Variants in CACNA2D2 observed in about 807,000 individuals in gnomAD.
The protein encoded by CACNA2D2 is calcium voltage-gated channel auxiliary subunit alpha2delta 2.
In CACNA2D2, 48 loss-of-function variants were observed where a neutral mutation model predicts 166.4. That is an observed-to-expected ratio of 0.29 (90% CI 0.23 to 0.37). The LOEUF is 0.37. Ranked by LOEUF, CACNA2D2 falls within the 10% of genes least tolerant of loss-of-function variation. CACNA2D2 has a pLI of 1.00. For missense variants in CACNA2D2, 1,122 were observed against 1,433.0 expected (o/e 0.78, Z 3.50); for synonymous variants, 561 against 573.7 (o/e 0.98, Z 0.32).
At chr3:50,423,768 A>C (rs1042789595) in intron 3 of CACNA2D2, among the ~76,000 whole-genome samples, 1 of 152,226 alleles carries the variant, frequency 6.6e-6, no homozygotes, top group African/African-American at 2.4e-5. Context: ...CAGCCTCTCA[A>C]ACAAGGGCCC....
intron 2 of CACNA2D2, among the ~76,000 whole-genome samples, chr3:50,449,032 T>C (rs923269105): frequency 6.6e-6 from 1 of 152,216 alleles, no homozygotes; most frequent in Non-Finnish European, 1.5e-5. Flanking sequence ...CTGATCTTCC[T>C]GCTGATGGTG....
At chr3:50,417,430 C>A (rs188107027) in intron 3 of CACNA2D2, among the ~76,000 whole-genome samples, 1 of 152,342 alleles carries the variant, frequency 6.6e-6, no homozygotes, top group East Asian at 1.9e-4. Flanking sequence ...CTTGGGGGGT[C>A]TCTTTTGCTG....
chr3:50,434,222 T>TG (rs1708203326), intron 3 of CACNA2D2, 91 bp downstream of exon 3: 1 of 870,662 alleles, frequency 1.1e-6, no homozygotes, highest in Admixed American at 2.0e-5. Flanking sequence ...GGCCACGTGA[T>TG]GAAGGCTCAG....
intron 2 of CACNA2D2, among the ~76,000 whole-genome samples, chr3:50,439,787 G>C (rs959519949): frequency 6.6e-6 from 1 of 152,202 alleles, no homozygotes; most frequent in East Asian, 1.9e-4. Context: ...TGTTGGGTGG[G>C]TGGCTAGGGG....
At position 50,413,715 on chromosome 3, in the gene CACNA2D2, C is replaced by T. The variant is rs115757282; in HGVS notation, c.406-19547G>A. 7.7e-3 allele frequency among the ~76,000 whole-genome samples: 1,165 copies of T among 152,214 alleles called. 14 individuals are homozygous for T. Among genetic ancestry groups the T allele is most frequent in the East Asian group, 0.048 (250 of 5,176 alleles). On this transcript the variant is annotated intron_variant, in intron 3 of 37. Transcript: ENST00000424201. Reference sequence around the variant, plus strand: ...TACATAAATTAGCCGGGTGTGGTGACGCACGCCTGTAATCCCAGTTACTTG... The same window carrying T: ...TACATAAATTAGCCGGGTGTGGTGATGCACGCCTGTAATCCCAGTTACTTG...
At chr3:50,397,230 T>C (rs1053933184) in intron 3 of CACNA2D2, among the ~76,000 whole-genome samples, 4 of 152,220 alleles carry the variant, frequency 2.6e-5, no homozygotes, top group East Asian at 1.9e-4. Flanking sequence ...GGAGTCGTAA[T>C]AGCCACAGCA....
intron 1 of CACNA2D2, among the ~76,000 whole-genome samples, chr3:50,489,822 G>T (rs1014430861): frequency 6.6e-6 from 1 of 152,222 alleles, no homozygotes; most frequent in African/African-American, 2.4e-5. Context: ...GGAGCCTGGG[G>T]GCCTGGAGCA....
chr3:50,455,281 T>C (rs1709300907), intron 2 of CACNA2D2, among the ~76,000 whole-genome samples: 1 of 152,224 alleles, frequency 6.6e-6, no homozygotes, highest in Admixed American at 6.5e-5. Context: ...CACCTCTCTA[T>C]TGCAGCTCTC....
intron 2 of CACNA2D2, among the ~76,000 whole-genome samples, chr3:50,452,646 A>C (rs1709155028): frequency 6.6e-6 from 1 of 152,236 alleles, no homozygotes; most frequent in African/African-American, 2.4e-5. Flanking sequence ...ACAAGGCAAG[A>C]CTGAGTAAGA....
chr3:50,461,604 T>C (rs892205601), intron 2 of CACNA2D2, among the ~76,000 whole-genome samples: 5 of 151,082 alleles, frequency 3.3e-5, no homozygotes, highest in South Asian at 4.2e-4. Context: ...CTACTAAAAA[T>C]ACAAAAATGA....
At chr3:50,413,510 G>A (rs922352124) in intron 3 of CACNA2D2, among the ~76,000 whole-genome samples, 1 of 152,094 alleles carries the variant, frequency 6.6e-6, no homozygotes, top group Non-Finnish European at 1.5e-5. Context: ...CTGCTGGGAG[G>A]GTGGGATGCT....
At position 50,380,701 on chromosome 3, in the gene CACNA2D2, G is replaced by A; in HGVS notation, c.842+47C>T. 1.4e-6 allele frequency: 2 copies of A among 1,406,844 alleles called. No homozygotes were observed. The highest frequency in any genetic ancestry group is 1.9e-6 in the Non-Finnish European group (2 of 1,054,658). The allele number at this position is 1,406,844 out of a possible 1,614,324, so 87.1% of individuals were successfully genotyped here. On this transcript the variant is annotated intron_variant, in intron 8 of 37. Coordinates refer to ENST00000424201, the MANE Select transcript of CACNA2D2 (RefSeq NM_006030.4). The surrounding 1 kb of genome is among the most constrained non-coding windows in gnomAD (Gnocchi z 4.9). ...AGGGAGGGGAGCAGGCAGGAAAGGT[G>A]GGGAACTGAGGGGGTGTCCCTCCCC...
At chr3:50,488,097 G>T (rs1451818264) in intron 1 of CACNA2D2, among the ~76,000 whole-genome samples, 1 of 152,202 alleles carries the variant, frequency 6.6e-6, no homozygotes, top group African/African-American at 2.4e-5. Flanking sequence ...CTGGCCAGGT[G>T]AAGGTGGCAC....
intron 3 of CACNA2D2, among the ~76,000 whole-genome samples, chr3:50,400,517 C>T (rs1706394031): frequency 6.6e-6 from 1 of 152,260 alleles, no homozygotes; most frequent in African/African-American, 2.4e-5. Flanking sequence ...TGGACACAGT[C>T]TCACTCACTA....
intron 1 of CACNA2D2, among the ~76,000 whole-genome samples, chr3:50,498,596 A>G (rs976780951): frequency 6.6e-6 from 1 of 152,198 alleles, no homozygotes; most frequent in African/African-American, 2.4e-5. Context: ...TGGCCTGTGT[A>G]TACGTGGGAG....
chr3:50,414,402 A>G (rs1707172078), intron 3 of CACNA2D2, among the ~76,000 whole-genome samples: 1 of 152,208 alleles, frequency 6.6e-6, no homozygotes, highest in Admixed American at 6.5e-5. Flanking sequence ...AAGCAATTTA[A>G]GACCCCAAAA....
chr3:50,433,941 G>T (rs1177462072), intron 3 of CACNA2D2, among the ~76,000 whole-genome samples: 1 of 152,172 alleles, frequency 6.6e-6, no homozygotes, highest in Non-Finnish European at 1.5e-5. Flanking sequence ...AACTCCACCA[G>T]CAGCAGGTCA....
At chr3:50,460,776 C>A (rs527884368) in intron 2 of CACNA2D2, among the ~76,000 whole-genome samples, 1 of 152,056 alleles carries the variant, frequency 6.6e-6, no homozygotes, top group South Asian at 2.1e-4. Flanking sequence ...ATGGTGTGAA[C>A]CCGGAAGGCG....
chr3:50,420,185 G>A (rs772075287), intron 3 of CACNA2D2, among the ~76,000 whole-genome samples: 2 of 152,248 alleles, frequency 1.3e-5, no homozygotes, highest in Middle Eastern at 3.2e-3. Flanking sequence ...CGAGGGAGTC[G>A]CAGTAAGAGA....
Sources: gnomAD v4.1 joint callset for allele counts (sites outside exome capture counted in the v4.1 genomes callset) on GRCh38, gnomAD v4.1.1 for gene constraint, Gnocchi (gnomAD v3.1) non-coding constraint, MANE v1.5 for transcripts, NCBI Gene and HGNC (gene_info 2026-07-23, HGNC 2026-07-21) for gene names.